Variants in TANC2 observed in about 807,000 individuals in gnomAD.
The protein encoded by TANC2 is tetratricopeptide repeat, ankyrin repeat and coiled-coil containing 2.
A neutral mutation model predicts 210.5 loss-of-function variants in TANC2; 26 were observed. That is an observed-to-expected ratio of 0.12 (90% CI 0.09 to 0.17). The LOEUF is 0.17. Ranked by LOEUF, TANC2 falls within the 10% of genes least tolerant of loss-of-function variation. The probability of loss-of-function intolerance (pLI) is 1.00; values close to 1 mark genes in which losing one functional copy is unlikely to be tolerated. For missense variants in TANC2, 2,129 were observed against 2,608.9 expected (o/e 0.82, Z 4.01); for synonymous variants, 931 against 967.1 (o/e 0.96, Z 0.69).
intron 12 of TANC2, among the ~76,000 whole-genome samples, chr17:63,346,210 G>A (rs1032917711): frequency 2.0e-5 from 3 of 152,182 alleles, no homozygotes; most frequent in African/African-American, 4.8e-5. Flanking sequence ...ACTTGGAATA[G>A]GTAAAGATTT....
At chr17:63,395,555 A>G (rs1220266816) in intron 17 of TANC2, among the ~76,000 whole-genome samples, 188 bp from the exon 18 acceptor site, 1 of 152,206 alleles carries the variant, frequency 6.6e-6, no homozygotes, top group African/African-American at 2.4e-5. Context: ...CCAGAGGGAC[A>G]TTTAGCATAG....
chr17:63,224,102 A>G (rs925325326), intron 7 of TANC2, among the ~76,000 whole-genome samples: 2 of 152,116 alleles, frequency 1.3e-5, no homozygotes, highest in Admixed American at 1.3e-4. Flanking sequence ...ATTTTCCACT[A>G]TGCCTGATGT....
At position 63,025,625 on chromosome 17, in the gene TANC2, A is replaced by G. The variant is rs539803029; in HGVS notation, c.67+15999A>G. 3.6e-4 allele frequency among the ~76,000 whole-genome samples: 54 copies of G among 151,912 alleles called. No homozygotes were observed. The East Asian group carries it at 0.011, about 30-fold the overall frequency. On this transcript the variant is annotated intron_variant, in intron 2 of 27. Coordinates refer to ENST00000689528, the Ensembl canonical transcript of TANC2. ...AGCCTGGGCGACGTGGCGAAACTTC[A>G]TCTCTACTAAAAATAAAAAAATTAG...
intron 2 of TANC2, among the ~76,000 whole-genome samples, chr17:63,063,531 C>T (rs866005090): frequency 3.7e-5 from 4 of 108,148 alleles, no homozygotes; most frequent in Non-Finnish European, 7.4e-5. Flanking sequence ...GGGACAAAGA[C>T]GTGTGTGTGT....
At chr17:63,325,116 A>G (rs1031324919) in intron 11 of TANC2, among the ~76,000 whole-genome samples, 11 of 151,924 alleles carry the variant, frequency 7.2e-5, no homozygotes, top group African/African-American at 2.7e-4. Flanking sequence ...TGTCTACTAT[A>G]GGATATTTAG....
At chr17:62,998,307 A>G (rs1427455589) in intron 1 of TANC2, among the ~76,000 whole-genome samples, 1 of 152,230 alleles carries the variant, frequency 6.6e-6, no homozygotes, top group East Asian at 1.9e-4. Flanking sequence ...CATCCCTGAA[A>G]AAGAGGGAGA....
intron 14 of TANC2, among the ~76,000 whole-genome samples, chr17:63,377,509 G>T (rs888600160): frequency 6.6e-6 from 1 of 152,176 alleles, no homozygotes; most frequent in Non-Finnish European, 1.5e-5. Flanking sequence ...CTTTACTCCT[G>T]TTCCCAACAA....
intron 1 of TANC2, among the ~76,000 whole-genome samples, chr17:63,006,387 A>G (rs937843731): frequency 1.3e-5 from 2 of 152,062 alleles, no homozygotes; most frequent in African/African-American, 4.8e-5. Context: ...CTTCTAATAC[A>G]TACATTTAAG....
At chr17:63,017,554 C>T (rs936764565) in intron 2 of TANC2, among the ~76,000 whole-genome samples, 3 of 152,052 alleles carry the variant, frequency 2.0e-5, no homozygotes, top group East Asian at 1.9e-4. Flanking sequence ...GTCTTCTATT[C>T]GAAATGGTTC....
chr17:62,988,230 C>A (rs561892382), intron 1 of TANC2, among the ~76,000 whole-genome samples: 1 of 151,208 alleles, frequency 6.6e-6, no homozygotes, highest in African/African-American at 2.4e-5. Flanking sequence ...TAGGTTCAAG[C>A]GATTCTTCTG....
Position 63,421,974 on chromosome 17 carries a change from G to C in TANC2, c.*19G>C. 1.3e-6 allele frequency: 2 copies of C among 1,579,244 alleles called. No homozygotes were observed. The highest frequency in any genetic ancestry group is 1.7e-6 in the Non-Finnish European group (2 of 1,162,948). On this transcript the variant is annotated 3_prime_UTR_variant, in exon 28 of 28. Transcript: ENST00000689528. The surrounding 1 kb of genome is among the most constrained non-coding windows in gnomAD (Gnocchi z 6.9). ...TGTTTAAAAGACGTTTTGTTGGAGT[G>C]AGACCCATATGTTTTCACTGCACAT... is the stretch of plus-strand genomic sequence containing the variant.
chr17:63,152,647 G>A (rs2039693588), intron 5 of TANC2: 1 of 152,034 alleles, frequency 6.6e-6, no homozygotes, highest in Non-Finnish European at 1.5e-5. Flanking sequence ...ACGCTTCTTG[G>A]GCAGTCGAAT....
rs190866576 is a variant in TANC2 at position 63,059,328 on chromosome 17, G to C, written c.68-14615G>C. ...TTTTCTTCTGTACTTTGTTTTTCCT[G>C]AAAATTGACAGCTATATTCAGAAGT... On this transcript the variant is annotated intron_variant, in intron 2 of 27. Transcript: ENST00000689528. 5.3e-5 allele frequency among the ~76,000 whole-genome samples: 8 copies of C among 152,182 alleles called. No individual in the cohort carries two copies. In the East Asian group the frequency reaches 1.2e-3, roughly 22 times the overall value.
intron 9 of TANC2, among the ~76,000 whole-genome samples, chr17:63,294,401 G>A (rs564726734): frequency 6.6e-6 from 1 of 152,142 alleles, no homozygotes; most frequent in Admixed American, 6.5e-5. Context: ...TTGAGCCTGG[G>A]AGGTTGAGAC....
At chr17:63,021,112 C>G (rs1398064713) in intron 2 of TANC2, among the ~76,000 whole-genome samples, 5 of 152,134 alleles carry the variant, frequency 3.3e-5, no homozygotes, top group Non-Finnish European at 7.3e-5. Flanking sequence ...ATATCCAAAC[C>G]ATGTCACTGG....
intron 5 of TANC2, among the ~76,000 whole-genome samples, chr17:63,189,088 C>T (rs1029476175): frequency 2.0e-4 from 31 of 152,092 alleles, no homozygotes; most frequent in Non-Finnish European, 1.5e-4. Context: ...AGTGTTCTTT[C>T]ATTTTATGGC....
chr17:63,283,021 A>G (rs1382735367), intron 9 of TANC2, among the ~76,000 whole-genome samples: 2 of 152,008 alleles, frequency 1.3e-5, no homozygotes, highest in Admixed American at 6.6e-5. Context: ...CGTGTTTAAG[A>G]TTTCTCTGAC....
At chr17:63,188,586 C>CAAAA (rs1046526941) in intron 5 of TANC2, among the ~76,000 whole-genome samples, 2 of 58,734 alleles carry the variant, frequency 3.4e-5, no homozygotes, top group Middle Eastern at 0.015. Context: ...AGACTCTGTC[C>CAAAA]AAAAAAAAAA....
At chr17:63,411,945 C>T in intron 22 of TANC2, 53 bp from the exon 23 acceptor site, 1 of 1,599,264 alleles carries the variant, frequency 6.3e-7, no homozygotes, top group Non-Finnish European at 8.5e-7. Context: ...CTCGGTGGAA[C>T]AGTGCTGAGC....
Sources: gnomAD v4.1 joint callset for allele counts (sites outside exome capture counted in the v4.1 genomes callset) on GRCh38, gnomAD v4.1.1 for gene constraint, Gnocchi (gnomAD v3.1) non-coding constraint, MANE v1.5 for transcripts, NCBI Gene and HGNC (gene_info 2026-07-23, HGNC 2026-07-21) for gene names.